The following ARHGAP39 variants were observed in gnomAD, a reference collection of about 807,000 sequenced individuals.
ARHGAP39 encodes Rho GTPase activating protein 39.
A neutral mutation model predicts 106.9 loss-of-function variants in ARHGAP39; 44 were observed. The observed-to-expected ratio is 0.41, with a 90% CI of 0.32 to 0.53. ARHGAP39 has a LOEUF of 0.53. ARHGAP39 is among the 20% of genes least tolerant of loss of function. The pLI, the probability that ARHGAP39 is intolerant of heterozygous loss-of-function variation, is 0.21. For synonymous variants in ARHGAP39, 768 were observed against 693.2 expected, an observed-to-expected ratio of 1.11 and a Z score of -1.69; for missense variants, 1,496 against 1,577.3, an observed-to-expected ratio of 0.95 and a Z score of 0.87.
At position 144,605,692 on chromosome 8, in the gene ARHGAP39, C is replaced by T. The variant is rs532845698; in HGVS notation, c.-78G>A. 1.5e-5 allele frequency: 21 copies of T among 1,437,254 alleles called. No homozygotes were observed. The East Asian group carries it at 2.3e-4, about 16-fold the overall frequency. The allele number at this position is 1,437,254 out of a possible 1,614,324, so 89.0% of individuals were successfully genotyped here. On this transcript the variant is annotated 5_prime_UTR_variant, in exon 2 of 12. Coordinates refer to ENST00000377307, the MANE Select transcript of ARHGAP39 (RefSeq NM_025251.3). The stretch of plus-strand genomic sequence containing the variant: ...ACGCCAGCATCAGACGGGAAGGTGC[C>T]GCACTGCAAGAGGGGAGAAGCAACA...
chr8:144,666,856 G>A (rs966561532), intron 1 of ARHGAP39, among the ~76,000 whole-genome samples: 1 of 152,140 alleles, frequency 6.6e-6, no homozygotes, highest in African/African-American at 2.4e-5. Flanking sequence ...AGTGTTCAAA[G>A]CGACCCAAAC....
chr8:144,584,853 T>C (rs1157627098), intron 2 of ARHGAP39, among the ~76,000 whole-genome samples: 1 of 152,038 alleles, frequency 6.6e-6, no homozygotes, highest in Admixed American at 6.6e-5. Context: ...TCTGTCTGCC[T>C]GAGCGGTGTC....
intron 1 of ARHGAP39, among the ~76,000 whole-genome samples, chr8:144,673,481 A>C (rs112119441): frequency 0.01 from 1,564 of 152,330 alleles, 21 homozygotes; most frequent in African/African-American, 0.036. Context: ...TGCAACCTTC[A>C]CCACAGTCAA....
At chr8:144,603,725 C>T (rs1428019725) in intron 2 of ARHGAP39, among the ~76,000 whole-genome samples, 1 of 150,206 alleles carries the variant, frequency 6.7e-6, no homozygotes, top group Non-Finnish European at 1.5e-5. Flanking sequence ...AAGCAAAAAG[C>T]AAATACACTG....
At chr8:144,600,326 T>C (rs1467014943) in intron 2 of ARHGAP39, among the ~76,000 whole-genome samples, 3 of 149,792 alleles carry the variant, frequency 2.0e-5, no homozygotes, top group Non-Finnish European at 4.4e-5. Context: ...GCGTGTGCAC[T>C]TGTGTACCTG....
Position 144,547,559 on chromosome 8 carries a change from G to A in ARHGAP39, c.1527C>T (p.Pro509=), listed in dbSNP as rs1817495966. The A allele has an allele frequency of 2.0e-6, 3 of 1,472,778 alleles. No homozygotes were observed. The highest frequency in any genetic ancestry group is 2.4e-5 in the East Asian group (1 of 41,390). 91.2% of individuals were successfully genotyped at this position (1,472,778 alleles called of 1,614,324 possible). ...CAAGCAGGTCCCCGGGGCCCTCAGT[G>A]GGGGTGGCGCTGGTGGCTTGGCACA... ...PSLCQATSAT[P]TEGPGDLLVE... The change falls in exon 5 of 12, where the codon CCC becomes CCT. Residue 509 remains proline, a synonymous_variant. Coordinates refer to ENST00000377307, the MANE Select transcript of ARHGAP39 (RefSeq NM_025251.3). The surrounding 1 kb of genome is among the most constrained non-coding windows in gnomAD (Gnocchi z 5.2).
intron 4 of ARHGAP39, among the ~76,000 whole-genome samples, chr8:144,552,531 C>T (rs1817753241): frequency 6.6e-6 from 1 of 152,254 alleles, no homozygotes; most frequent in African/African-American, 2.4e-5. Flanking sequence ...CAACTTCACT[C>T]TCCAGGCCCT....
intron 1 of ARHGAP39, among the ~76,000 whole-genome samples, chr8:144,615,223 AG>A (rs1169765453): frequency 6.6e-6 from 1 of 152,152 alleles, no homozygotes; most frequent in Non-Finnish European, 1.5e-5. Flanking sequence ...TGAAAGGCTA[AG>A]GTGAGAGGAT....
rs1361281908 is a variant in ARHGAP39, at chr8:144,547,257, G to A, written c.1829C>T (p.Ala610Val). 6 of 1,612,542 alleles carry A rather than the reference G, an allele frequency of 3.7e-6. No homozygotes were observed. Among genetic ancestry groups the A allele is most frequent in the Non-Finnish European group, 5.1e-6 (6 of 1,179,770 alleles). The part of the protein sequence containing the change: ...VRAFSEDEAL[A>V]QQENRHWRRG... The stretch of plus-strand genomic sequence containing the variant: ...CCTCCAGTGCCTGTTCTCCTGCTGG[G>A]CCAGCGCCTCGTCCTCGCTGAAGGC... The change falls in exon 5 of 12, where the codon GCC becomes GTC. Residue 610 changes from alanine (A) to valine (V), a missense_variant. Coordinates refer to ENST00000377307, the MANE Select transcript of ARHGAP39 (RefSeq NM_025251.3). This position sits in a 1 kb window ranked among gnomAD's most constrained non-coding sequence, Gnocchi z 5.2.
At position 144,548,487 on chromosome 8, in the gene ARHGAP39, G is replaced by A. The variant is rs1207627650; in HGVS notation, c.599C>T (p.Thr200Ile). ...GCCCGAGTTCCACCGCAGCGAGGAG[G>A]TCCTGCGTGGGGGGTGGACGGGCAC... ...SADGQLLHYR[T>I]SSLRWNSGAK... is the part of the protein sequence containing the mutation. Residue 200 changes from threonine to isoleucine, a missense_variant and splice_region_variant, in exon 5 of 12, where the codon ACC (threonine) becomes ATC (isoleucine). This residue lies in a region of ARHGAP39 where 905 missense variants were observed against 816.4 expected (regional missense o/e 1.11). Transcript: ENST00000377307. This position sits in a 1 kb window ranked among gnomAD's most constrained non-coding sequence, Gnocchi z 7.4. 1 of 1,608,062 alleles carries A rather than the reference G, an allele frequency of 6.2e-7. No homozygotes were observed. Among genetic ancestry groups the A allele is most frequent in the African/African-American group, 1.3e-5 (1 of 74,900 alleles).
chr8:144,548,418 C>T lies in ARHGAP39; in HGVS notation c.668G>A (p.Ser223Asn). Residue 223 changes from serine to asparagine, a missense_variant, in exon 5 of 12, where the codon AGC (serine) becomes AAC (asparagine). Around this residue, in one of 4 missense-constraint regions of ARHGAP39, gnomAD observed 905 missense variants for 816.4 expected, o/e 1.11. Coordinates refer to ENST00000377307, the MANE Select transcript of ARHGAP39 (RefSeq NM_025251.3). The surrounding 1 kb of genome is among the most constrained non-coding windows in gnomAD (Gnocchi z 7.4). ...MLIKVADREPSFLAAQGNGYA... is the reference protein window; with the variant it reads ...MLIKVADREPNFLAAQGNGYA... The stretch of plus-strand genomic sequence containing the variant: ...GCCATTGCCCTGGGCGGCGAGGAAG[C>T]TGGGCTCCCGATCAGCGACCTTGAT... 6.2e-7 allele frequency: 1 copy of T among 1,610,866 alleles called. No individual in the cohort carries two copies. The highest frequency in any genetic ancestry group is 8.5e-7 in the Non-Finnish European group (1 of 1,179,614).
At chr8:144,576,332 C>CA (rs67038997) in intron 3 of ARHGAP39, among the ~76,000 whole-genome samples, 835 of 63,278 alleles carry the variant, frequency 0.013, 7 homozygotes, top group Non-Finnish European at 0.017. Context: ...GACTCCGTCT[C>CA]AAAAAAAAAA....
chr8:144,607,489 C>A (rs911642833), intron 1 of ARHGAP39, among the ~76,000 whole-genome samples: 1 of 152,200 alleles, frequency 6.6e-6, no homozygotes, highest in African/African-American at 2.4e-5. Flanking sequence ...AACAGTCTGC[C>A]GAACCGTGGT....
intron 9 of ARHGAP39, 102 bp from the exon 10 acceptor site, chr8:144,532,498 G>T: frequency 1.8e-6 from 2 of 1,115,106 alleles, no homozygotes; most frequent in South Asian, 1.4e-5. Flanking sequence ...ACCCGGGGAG[G>T]GGAGCAAAAC....
At position 144,647,054 on chromosome 8, in the gene ARHGAP39, C is replaced by CG. The variant is rs910436450; in HGVS notation, c.-82+38631dup. ...CACCATCTCGGCTCACTGCAAGCTC[C>CG]GCCTCCTGGGTTCACACCATTCTCC... On this transcript the variant is annotated intron_variant, in intron 1 of 11. Transcript: ENST00000377307. This position sits in a 1 kb window ranked among gnomAD's most constrained non-coding sequence, Gnocchi z 4.8. Among the ~76,000 whole-genome samples the CG allele has an allele frequency of 7.9e-5, 12 of 151,460 alleles. No individual in the cohort carries two copies. The highest frequency in any genetic ancestry group is 2.1e-4 in the South Asian group (1 of 4,788).
At chr8:144,608,928 C>G (rs1820389769) in intron 1 of ARHGAP39, among the ~76,000 whole-genome samples, 1 of 152,180 alleles carries the variant, frequency 6.6e-6, no homozygotes, top group African/African-American at 2.4e-5. Flanking sequence ...CCTTGATAAA[C>G]TCACTTATTA....
intron 4 of ARHGAP39, among the ~76,000 whole-genome samples, chr8:144,552,268 C>T (rs1014891345): frequency 7.9e-5 from 12 of 152,360 alleles, no homozygotes; most frequent in African/African-American, 2.6e-4. Context: ...GAATTGGAAG[C>T]GCTGCACAAA....
intron 3 of ARHGAP39, 79 bp downstream of exon 3, chr8:144,580,767 A>T (rs904613630): frequency 4.3e-5 from 1 of 23,344 alleles, no homozygotes; most frequent in Non-Finnish European, 8.0e-5. Context: ...GGCCCCGCCC[A>T]CCACCCCCTA....
At chr8:144,659,573 G>A (rs951452448) in intron 1 of ARHGAP39, among the ~76,000 whole-genome samples, 4 of 152,172 alleles carry the variant, frequency 2.6e-5, no homozygotes, top group African/African-American at 9.7e-5. Flanking sequence ...CTAAGTCAAT[G>A]TTCCAAGTTC....
Sources: allele counts gnomAD v4.1 joint callset (sites outside exome capture counted in the v4.1 genomes callset), GRCh38; gene constraint gnomAD v4.1.1; regional missense constraint gnomAD v4.1.1; non-coding constraint Gnocchi (gnomAD v3.1); transcripts MANE v1.5; gene names NCBI Gene and HGNC (gene_info 2026-07-23, HGNC 2026-07-21).